MBNL2: variants seen among roughly 807,000 people sequenced by gnomAD.
MBNL2 encodes muscleblind like splicing regulator 2.
A neutral mutation model predicts 41.9 loss-of-function variants in MBNL2; 17 were observed. The ratio of observed to expected loss-of-function variants is 0.41; its 90% CI spans 0.28 to 0.61. The LOEUF is 0.61. Among genes scored for constraint, MBNL2 ranks in the 20% least tolerant of loss-of-function variants. MBNL2 has a pLI of 0.35. For missense variants in MBNL2, 336 were observed against 505.6 expected (o/e 0.66, Z 3.22); for synonymous variants, 195 against 182.9 (o/e 1.07, Z -0.53).
the MBNL2 span, among the ~76,000 whole-genome samples, chr13:97,164,598 C>G: frequency 2.6e-5 from 4 of 151,914 alleles, no homozygotes; most frequent in Non-Finnish European, 4.4e-5. Flanking sequence ...GTAAATATCA[C>G]TATTGTGCTG....
At chr13:97,198,977 G>A in the MBNL2 span, among the ~76,000 whole-genome samples, 144 of 152,146 alleles carry the variant, frequency 9.5e-4, no homozygotes, top group African/African-American at 2.5e-3. Context: ...CTCCAGTGGC[G>A]TCCCATGTGA....
intron 5 of MBNL2, among the ~76,000 whole-genome samples, chr13:97,355,441 C>A (rs1440476569): frequency 1.3e-5 from 2 of 152,036 alleles, no homozygotes; most frequent in Non-Finnish European, 2.9e-5. Context: ...TGTCAAATGA[C>A]AAAGTTCTAT....
chr13:97,348,883 A>G (rs143261406), intron 5 of MBNL2, among the ~76,000 whole-genome samples: 2 of 152,352 alleles, frequency 1.3e-5, no homozygotes, highest in Non-Finnish European at 2.9e-5. Flanking sequence ...GCAAATGTTT[A>G]TTAAGGCATG....
chr13:97,366,909 A>AT lies in MBNL2; in HGVS notation c.1048+1742dup, dbSNP rs1278148458. Among the ~76,000 whole-genome samples the AT allele has an allele frequency of 6.6e-6, 1 of 152,158 alleles. No individual in the cohort carries two copies. The highest frequency in any genetic ancestry group is 2.4e-5 in the African/African-American group (1 of 41,442). ...CCATGGGTGCTTCAAAACTGGCTAT[A>AT]TTTTAATTCGGTTCATTCAGACCCT... On this transcript the variant is annotated intron_variant, in intron 8 of 8. Coordinates refer to ENST00000679496, the MANE Select transcript of MBNL2 (RefSeq NM_001382683.1). The surrounding 1 kb of genome is among the most constrained non-coding windows in gnomAD (Gnocchi z 4.7).
intron 2 of MBNL2, among the ~76,000 whole-genome samples, chr13:97,292,036 A>G (rs2152978229): frequency 6.6e-6 from 1 of 151,444 alleles, no homozygotes; most frequent in South Asian, 2.1e-4. Flanking sequence ...CATCTCTACT[A>G]AAAAATACAA....
At chr13:97,279,558 G>C (rs2052919549) in intron 2 of MBNL2, among the ~76,000 whole-genome samples, 1 of 152,186 alleles carries the variant, frequency 6.6e-6, no homozygotes, top group South Asian at 2.1e-4. Context: ...AATTAACTGT[G>C]TGAATGATAG....
intron 1 of MBNL2, among the ~76,000 whole-genome samples, chr13:97,232,629 G>T (rs2042539852): frequency 6.6e-6 from 1 of 152,116 alleles, no homozygotes; most frequent in Non-Finnish European, 1.5e-5. Flanking sequence ...AAAAGGGTTT[G>T]CTTTAGAAAA....
intron 1 of MBNL2, among the ~76,000 whole-genome samples, chr13:97,233,932 G>A (rs145145198): frequency 3.2e-4 from 48 of 149,858 alleles, no homozygotes; most frequent in African/African-American, 1.0e-3. Flanking sequence ...GGATTCTGAC[G>A]GCCCCACCAC....
At chr13:97,148,357 A>G in the MBNL2 span, among the ~76,000 whole-genome samples, 1 of 152,096 alleles carries the variant, frequency 6.6e-6, no homozygotes, top group African/African-American at 2.4e-5. Context: ...AGGCCCAGAG[A>G]ACTATTAAAA....
intron 2 of MBNL2, among the ~76,000 whole-genome samples, chr13:97,305,317 A>G (rs1263799100): frequency 6.6e-6 from 1 of 152,222 alleles, no homozygotes; most frequent in Non-Finnish European, 1.5e-5. Flanking sequence ...TCTATTTACA[A>G]TCTACTACTT....
chr13:97,239,987 A>G (rs567397940), intron 1 of MBNL2, among the ~76,000 whole-genome samples: 1 of 152,270 alleles, frequency 6.6e-6, no homozygotes, highest in African/African-American at 2.4e-5. Context: ...AAGAAGTTGT[A>G]TTTTCTTTCC....
At chr13:97,293,727 C>T (rs2056568216) in intron 2 of MBNL2, among the ~76,000 whole-genome samples, 1 of 152,024 alleles carries the variant, frequency 6.6e-6, no homozygotes, top group Non-Finnish European at 1.5e-5. Context: ...GAGTCTCGTA[C>T]CTTTTTTATG....
At chr13:97,189,916 C>G in the MBNL2 span, among the ~76,000 whole-genome samples, 1 of 152,210 alleles carries the variant, frequency 6.6e-6, no homozygotes, top group Non-Finnish European at 1.5e-5. Context: ...CACCTGCTAC[C>G]TAGTGCTTTT....
chr13:97,301,542 C>T (rs987169759), intron 2 of MBNL2, among the ~76,000 whole-genome samples: 6 of 152,084 alleles, frequency 3.9e-5, no homozygotes, highest in Non-Finnish European at 7.4e-5. Flanking sequence ...GGGAGGACAG[C>T]GGGTTGGTGG....
intron 8 of MBNL2, among the ~76,000 whole-genome samples, chr13:97,373,625 T>TATATATATA (rs1287135685): frequency 3.3e-5 from 5 of 150,104 alleles, no homozygotes; most frequent in African/African-American, 7.4e-5. Context: ...TATATATATA[T>TATATATATA]TAAGGGTAGG....
At chr13:97,253,083 C>G (rs1466418768) in intron 1 of MBNL2, among the ~76,000 whole-genome samples, 2 of 152,144 alleles carry the variant, frequency 1.3e-5, no homozygotes, top group African/African-American at 4.8e-5. Context: ...CTGAGACACT[C>G]AAGCATCTCA....
At chr13:97,335,604 A>T (rs1292030785) in intron 3 of MBNL2, among the ~76,000 whole-genome samples, 2 of 152,164 alleles carry the variant, frequency 1.3e-5, no homozygotes, top group East Asian at 3.9e-4. Context: ...TGCCAGGTGC[A>T]GAGGGCTCCA....
chr13:97,327,742 T>C (rs1460001506), intron 2 of MBNL2, among the ~76,000 whole-genome samples: 1 of 152,026 alleles, frequency 6.6e-6, no homozygotes, highest in Non-Finnish European at 1.5e-5. Context: ...TCTGAGGCTG[T>C]TTGAAGAGAT....
At chr13:97,382,841 A>G (rs2065596905) in intron 8 of MBNL2, among the ~76,000 whole-genome samples, 1 of 151,944 alleles carries the variant, frequency 6.6e-6, no homozygotes, top group Admixed American at 6.6e-5. Context: ...TTGTAGAGAC[A>G]GGGTTTCACT....
Sources: allele counts gnomAD v4.1 joint callset (sites outside exome capture counted in the v4.1 genomes callset), GRCh38; gene constraint gnomAD v4.1.1; non-coding constraint Gnocchi (gnomAD v3.1); transcripts MANE v1.5; gene names NCBI Gene and HGNC (gene_info 2026-07-23, HGNC 2026-07-21).